The following TOM1L2 variants were observed in gnomAD, a reference collection of about 807,000 sequenced individuals.
TOM1L2 encodes the protein target of myb1 like 2 membrane trafficking protein.
A neutral mutation model predicts 67.9 loss-of-function variants in TOM1L2; 31 were observed. The ratio of observed to expected loss-of-function variants is 0.46; its 90% CI spans 0.34 to 0.62. TOM1L2 has a LOEUF of 0.62. Among genes scored for constraint, TOM1L2 ranks in the 20% least tolerant of loss-of-function variants. The pLI is 0.01. For missense variants in TOM1L2, 606 were observed against 663.5 expected (o/e 0.91, Z 0.95); for synonymous variants, 256 against 254.0 (o/e 1.01, Z -0.07).
chr17:17,868,876 T>C (rs1300780544), intron 8 of TOM1L2: 1 of 166,604 alleles, frequency 6.0e-6, no homozygotes, highest in Non-Finnish European at 1.3e-5. Flanking sequence ...AACATTGACA[T>C]TTGCAAAGGG....
intron 1 of TOM1L2, among the ~76,000 whole-genome samples, chr17:17,925,337 C>T (rs2096984685): frequency 6.6e-6 from 1 of 151,816 alleles, no homozygotes; most frequent in Admixed American, 6.6e-5. Context: ...AAAAAACATG[C>T]ATATGGATAA....
intron 4 of TOM1L2, among the ~76,000 whole-genome samples, chr17:17,891,635 A>C (rs1437994960): frequency 6.6e-6 from 1 of 152,192 alleles, no homozygotes; most frequent in East Asian, 1.9e-4. Context: ...GGGGTCAGAA[A>C]GCTCTACCAC....
chr17:17,956,249 C>T (rs746521827), intron 1 of TOM1L2, among the ~76,000 whole-genome samples: 14 of 152,218 alleles, frequency 9.2e-5, no homozygotes, highest in Non-Finnish European at 1.9e-4. Context: ...GGTGCGTTTA[C>T]AATCCCTGAG....
intron 4 of TOM1L2, among the ~76,000 whole-genome samples, chr17:17,885,343 C>T (rs995789116): frequency 2.0e-5 from 3 of 152,232 alleles, no homozygotes; most frequent in African/African-American, 4.8e-5. Flanking sequence ...CTCTGTCTAG[C>T]GCTGCTGCCA....
intron 6 of TOM1L2, among the ~76,000 whole-genome samples, chr17:17,880,483 C>T (rs1181506406): frequency 6.6e-6 from 1 of 152,218 alleles, no homozygotes; most frequent in Non-Finnish European, 1.5e-5. Context: ...AGATCTGCCC[C>T]TTCACTCCCT....
Position 17,893,782 on chromosome 17 carries a change from CCA to C in TOM1L2, c.243_244del (p.Cys81TrpfsTer45). On this transcript the variant is annotated frameshift_variant, in exon 4 of 15. Coordinates refer to ENST00000379504, the MANE Select transcript of TOM1L2 (RefSeq NM_001082968.2). LOFTEE classifies it high-confidence loss of function. Reference sequence around the variant, plus strand: ...GGCCACAAGGATGTGGAAGCGGTGGCCACAGTTCTTCACACATGTCTCCAGCA... The same window carrying C: ...GGCCACAAGGATGTGGAAGCGGTGGCCAGTTCTTCACACATGTCTCCAGCA... 1 of 1,614,052 alleles carries C rather than the reference CCA, an allele frequency of 6.2e-7. No homozygotes were observed. The highest frequency in any genetic ancestry group is 8.5e-7 in the Non-Finnish European group (1 of 1,179,968).
chr17:17,940,192 CAAAAAAAAAAAAA>C (rs34433429), intron 1 of TOM1L2, among the ~76,000 whole-genome samples: 2 of 32,604 alleles, frequency 6.1e-5, no homozygotes, highest in Non-Finnish European at 1.4e-4. Context: ...GACTCTATCT[CAAAAAAAAAAAAA>C]AAAAAAAAAA....
intron 7 of TOM1L2, among the ~76,000 whole-genome samples, chr17:17,873,882 T>C (rs932787372): frequency 6.6e-6 from 1 of 152,214 alleles, no homozygotes; most frequent in Non-Finnish European, 1.5e-5. Flanking sequence ...TTCTCGATTT[T>C]AAACACTGCC....
intron 4 of TOM1L2, 127 bp from the exon 5 acceptor site, chr17:17,884,895 C>T: frequency 7.9e-7 from 1 of 1,259,452 alleles, no homozygotes; most frequent in Non-Finnish European, 1.1e-6. Context: ...ATTGCACTGG[C>T]TAAACCTATT....
At chr17:17,960,914 C>T (rs563600260) in intron 1 of TOM1L2, among the ~76,000 whole-genome samples, 1 of 152,068 alleles carries the variant, frequency 6.6e-6, no homozygotes, top group African/African-American at 2.4e-5. Flanking sequence ...ACGGAAGGTA[C>T]AAGCAACAAA....
At chr17:17,852,164 C>CTA (rs532456489) in intron 12 of TOM1L2, among the ~76,000 whole-genome samples, 59 of 152,270 alleles carry the variant, frequency 3.9e-4, no homozygotes, top group African/African-American at 1.3e-3. Flanking sequence ...TAGGGTAAGA[C>CTA]TAAAGTAAAA....
intron 1 of TOM1L2, among the ~76,000 whole-genome samples, chr17:17,947,749 G>T (rs1159130738): frequency 2.0e-5 from 3 of 152,202 alleles, no homozygotes; most frequent in Non-Finnish European, 4.4e-5. Flanking sequence ...GGAAGCTCAG[G>T]CTCAAAGAGG....
At chr17:17,957,866 G>A (rs963022575) in intron 1 of TOM1L2, among the ~76,000 whole-genome samples, 4 of 151,664 alleles carry the variant, frequency 2.6e-5, no homozygotes, top group Admixed American at 6.6e-5. Flanking sequence ...CGAGGTGGGC[G>A]GATCATGAGG....
intron 3 of TOM1L2, among the ~76,000 whole-genome samples, chr17:17,894,922 C>T (rs887580087): frequency 6.6e-6 from 1 of 151,160 alleles, no homozygotes; most frequent in Non-Finnish European, 1.5e-5. Flanking sequence ...CAGAACAAAA[C>T]TCTGTCTCAA....
At chr17:17,902,568 G>C (rs2038905783) in intron 2 of TOM1L2, among the ~76,000 whole-genome samples, 1 of 152,234 alleles carries the variant, frequency 6.6e-6, no homozygotes, top group Non-Finnish European at 1.5e-5. Context: ...ATATAGAACT[G>C]TTGGGGGTAG....
At chr17:17,966,592 C>T (rs1310640996) in intron 1 of TOM1L2, among the ~76,000 whole-genome samples, 6 of 152,254 alleles carry the variant, frequency 3.9e-5, no homozygotes, top group South Asian at 2.1e-4. Context: ...GATTCCCTTG[C>T]GGCTGAATCA....
At chr17:17,878,975 G>T (rs1239652447) in intron 7 of TOM1L2, among the ~76,000 whole-genome samples, 1 of 152,216 alleles carries the variant, frequency 6.6e-6, no homozygotes, top group African/African-American at 2.4e-5. Context: ...GTAGACTGCA[G>T]GCCGCCCACT....
At chr17:17,960,278 C>T (rs965483202) in intron 1 of TOM1L2, among the ~76,000 whole-genome samples, 12 of 152,198 alleles carry the variant, frequency 7.9e-5, no homozygotes, top group Admixed American at 6.5e-5. Context: ...GCCCACAGAC[C>T]TGGGTTCAAA....
intron 3 of TOM1L2, among the ~76,000 whole-genome samples, chr17:17,897,922 CTT>C (rs35600233): frequency 2.5e-4 from 34 of 133,596 alleles, no homozygotes; most frequent in African/African-American, 5.2e-4. Context: ...TGGAAGTTAA[CTT>C]TTTTTTTTTT....
Sources: gnomAD v4.1 joint callset for allele counts (sites outside exome capture counted in the v4.1 genomes callset) on GRCh38, gnomAD v4.1.1 for gene constraint, MANE v1.5 for transcripts, NCBI Gene and HGNC (gene_info 2026-07-23, HGNC 2026-07-21) for gene names.